The following CCAR1 variants were observed in gnomAD, a reference collection of about 807,000 sequenced individuals.
CCAR1 encodes cell division cycle and apoptosis regulator protein 1.
A neutral mutation model predicts 163.8 loss-of-function variants in CCAR1; 78 were observed. The observed-to-expected ratio is 0.48, with a 90% CI of 0.40 to 0.57. CCAR1 has a LOEUF of 0.57. Among genes scored for constraint, CCAR1 ranks in the 20% least tolerant of loss-of-function variants. The pLI is 0.00. For missense variants in CCAR1, 1,019 were observed against 1,365.2 expected, an observed-to-expected ratio of 0.75 and a Z score of 4.00; for synonymous variants, 443 against 460.7, an observed-to-expected ratio of 0.96 and a Z score of 0.49.
chr10:68,728,766 C>T (rs2055986934), intron 2 of CCAR1, among the ~76,000 whole-genome samples: 1 of 152,122 alleles, frequency 6.6e-6, no homozygotes, highest in South Asian at 2.1e-4. Context: ...ACCCACCCAC[C>T]TAACCTGGTG....
intron 19 of CCAR1, among the ~76,000 whole-genome samples, chr10:68,774,776 C>T (rs1048132362): frequency 1.3e-5 from 2 of 152,080 alleles, no homozygotes; most frequent in Admixed American, 1.3e-4. Flanking sequence ...GTTAACCATG[C>T]GGTGACATTT....
At chr10:68,772,444 C>T (rs2133400920) in intron 18 of CCAR1, among the ~76,000 whole-genome samples, 1 of 151,552 alleles carries the variant, frequency 6.6e-6, no homozygotes, top group East Asian at 1.9e-4. Flanking sequence ...GATTGTGCCA[C>T]TGCACTCCAG....
In CCAR1 at chr10:68,761,367, A is replaced by G. The variant is rs61869866; in HGVS notation, c.2106+175A>G. 0.12 allele frequency among the ~76,000 whole-genome samples: 17,789 copies of G among 151,874 alleles called. 1,071 individuals are homozygous for G. The highest frequency in any genetic ancestry group is 0.16 in the South Asian group (757 of 4,806). On this transcript the variant is annotated intron_variant, in intron 16 of 24. Transcript: ENST00000265872. ...TGTTGCCCAGGCTGGAGTGCAGTGG[A>G]GTGATCTCAGCTCACTGCAACCTCC...
At chr10:68,734,442 C>T (rs891904535) in intron 2 of CCAR1, among the ~76,000 whole-genome samples, 37 of 151,974 alleles carry the variant, frequency 2.4e-4, no homozygotes, top group African/African-American at 8.9e-4. Flanking sequence ...TGCTTGAACC[C>T]AGGAGTTCAA....
intron 2 of CCAR1, among the ~76,000 whole-genome samples, chr10:68,731,574 T>G (rs1231172499): frequency 6.7e-6 from 1 of 150,224 alleles, no homozygotes; most frequent in Non-Finnish European, 1.5e-5. Flanking sequence ...CATTACCTAT[T>G]AAATTGTCTT....
At chr10:68,730,684 C>G (rs373708683) in intron 2 of CCAR1, among the ~76,000 whole-genome samples, 117 of 152,042 alleles carry the variant, frequency 7.7e-4, no homozygotes, top group African/African-American at 2.6e-3. Context: ...AAAACTTAGC[C>G]CTTAATTTTT....
chr10:68,755,228 G>T lies in CCAR1; in HGVS notation c.1459-142G>T, dbSNP rs1230416233. 3 of 805,680 alleles carry T rather than the reference G, an allele frequency of 3.7e-6. No homozygotes were observed. The Admixed American group carries it at 5.1e-5, about 14-fold the overall frequency. 49.9% of individuals were successfully genotyped at this position (805,680 alleles called of 1,614,324 possible). On this transcript the variant is annotated intron_variant, in intron 12 of 24. Coordinates refer to ENST00000265872, the MANE Select transcript of CCAR1 (RefSeq NM_018237.4). Reference sequence around the variant, plus strand: ...GCTGAAATGCAGTGTGGAACACAATGAACTGAACTCTTCCTTGACTGACAG... The same window carrying T: ...GCTGAAATGCAGTGTGGAACACAATTAACTGAACTCTTCCTTGACTGACAG...
At chr10:68,725,520 G>A (rs746256764) in intron 2 of CCAR1, among the ~76,000 whole-genome samples, 1 of 149,530 alleles carries the variant, frequency 6.7e-6, no homozygotes, top group Admixed American at 6.7e-5. Flanking sequence ...GTCATTTTTT[G>A]ACTTATTTGT....
chr10:68,748,364 C>T (rs1227976671), intron 8 of CCAR1, among the ~76,000 whole-genome samples: 1 of 151,708 alleles, frequency 6.6e-6, no homozygotes, highest in East Asian at 2.0e-4. Context: ...CACGCCATCG[C>T]ACTTCAGTCT....
chr10:68,728,930 C>T (rs965862560), intron 2 of CCAR1, among the ~76,000 whole-genome samples: 4 of 149,166 alleles, frequency 2.7e-5, no homozygotes, highest in South Asian at 2.1e-4. Context: ...CCAACCTGGG[C>T]GATAGAGCTG....
At position 68,759,742 on chromosome 10, in the gene CCAR1, CA is replaced by C. The variant is rs35316484; in HGVS notation, c.1921-1255del. Among the ~76,000 whole-genome samples, 23 of 140,084 alleles carry C rather than the reference CA, an allele frequency of 1.6e-4. No homozygotes were observed. In the East Asian group the frequency reaches 3.3e-3, roughly 20 times the overall value. 91.9% of individuals were successfully genotyped at this position (140,084 alleles called of 152,430 possible). A position where few individuals can be genotyped will look rare whatever the true frequency, so the allele number is the denominator to read the frequency against. On this transcript the variant is annotated intron_variant, in intron 15 of 24. Transcript: ENST00000265872. ...TGGGTGACAGAGCAAGACCCTGCCT[CA>C]AAAAAAAAAGAAAAATGACTCATCC...
At chr10:68,741,994 T>C (rs1406978092) in intron 5 of CCAR1, among the ~76,000 whole-genome samples, 1 of 152,222 alleles carries the variant, frequency 6.6e-6, no homozygotes, top group Admixed American at 6.5e-5. Flanking sequence ...ATAGAAGTTC[T>C]TTTGTTCAAA....
chr10:68,786,249 A>G, intron 20 of CCAR1, 31 bp downstream of exon 20: 1 of 1,389,186 alleles, frequency 7.2e-7, no homozygotes, highest in Non-Finnish European at 1.0e-6. Flanking sequence ...TCTTTATAAT[A>G]TGGTGATATC....
chr10:68,790,935 C>T (rs1393957803), intron 24 of CCAR1, among the ~76,000 whole-genome samples: 2 of 151,692 alleles, frequency 1.3e-5, no homozygotes. Flanking sequence ...CTGGGCTAAG[C>T]AGCCCACCTA....
At chr10:68,790,784 G>A (rs541937588) in intron 24 of CCAR1, among the ~76,000 whole-genome samples, 14 of 151,578 alleles carry the variant, frequency 9.2e-5, no homozygotes, top group Admixed American at 5.3e-4. Flanking sequence ...CAAGGTGGGC[G>A]GATCACGAAG....
At chr10:68,740,735 TTTTC>T in intron 5 of CCAR1, 74 bp downstream of exon 5, 3 of 1,220,726 alleles carry the variant, frequency 2.5e-6, no homozygotes, top group Non-Finnish European at 3.5e-6. Flanking sequence ...GTATTCTACT[TTTTC>T]TTTCAGGGTT....
chr10:68,774,810 G>A (rs1053495012), intron 19 of CCAR1: 10 of 315,258 alleles, frequency 3.2e-5, no homozygotes, highest in South Asian at 5.3e-5. Flanking sequence ...TGCTCTGACC[G>A]TAGACATCAA....
At chr10:68,727,989 A>G (rs1451418419) in intron 2 of CCAR1, among the ~76,000 whole-genome samples, 4 of 152,130 alleles carry the variant, frequency 2.6e-5, no homozygotes, top group East Asian at 3.9e-4. Flanking sequence ...TAGGCTTGCT[A>G]CCATACCCGG....
At chr10:68,755,009 A>C in intron 12 of CCAR1, among the ~76,000 whole-genome samples, 182 bp downstream of exon 12, 1 of 152,226 alleles carries the variant, frequency 6.6e-6, no homozygotes, top group East Asian at 1.9e-4. Context: ...ACTATATCTT[A>C]TTTGTACGCT....
Sources: gnomAD v4.1 joint callset for allele counts (sites outside exome capture counted in the v4.1 genomes callset) on GRCh38, gnomAD v4.1.1 for gene constraint, MANE v1.5 for transcripts, NCBI Gene and HGNC (gene_info 2026-07-23, HGNC 2026-07-21) for gene names.